The following SEC16A variants were observed in gnomAD, a reference collection of about 807,000 sequenced individuals.
SEC16A encodes the protein protein transport protein Sec16A.
SEC16A carries 110 observed loss-of-function variants against 221.9 expected under a neutral mutation model. The ratio of observed to expected loss-of-function variants is 0.50; its 90% CI spans 0.42 to 0.58. SEC16A has a LOEUF of 0.58. Among genes scored for constraint, SEC16A ranks in the 20% least tolerant of loss-of-function variants. The probability of loss-of-function intolerance (pLI) is 0.00; values close to 1 mark genes in which losing one functional copy is unlikely to be tolerated. For missense variants in SEC16A, 3,165 were observed against 3,097.8 expected (o/e 1.02, Z -0.52); for synonymous variants, 1,393 against 1,257.7 (o/e 1.11, Z -2.28).
At chr9:136,467,870 C>T (rs1840351928) in intron 5 of SEC16A, among the ~76,000 whole-genome samples, 3 of 152,174 alleles carry the variant, frequency 2.0e-5, no homozygotes, top group African/African-American at 7.2e-5. Flanking sequence ...AGGCTCTTCC[C>T]GGGGACATGG....
chr9:136,460,581 T>C (rs1357946317), intron 13 of SEC16A, among the ~76,000 whole-genome samples: 1 of 151,476 alleles, frequency 6.6e-6, no homozygotes, highest in East Asian at 1.9e-4. Flanking sequence ...ATTTTATTTT[T>C]CTTTCTTATC....
At position 136,447,649 on chromosome 9, in the gene SEC16A, A is replaced by G. The variant is rs1272526954; in HGVS notation, c.6479T>C (p.Met2160Thr). 2 of 1,612,802 alleles carry G rather than the reference A, an allele frequency of 1.2e-6. No homozygotes were observed. The change falls in exon 26 of 32, where the codon ATG (methionine) becomes ACG (threonine). Residue 2160 changes from methionine to threonine, a missense_variant. By Grantham distance (81) the Met-to-Thr change is moderately conservative. This residue lies in a region of SEC16A where 1,088 missense variants were observed against 1,089.6 expected (regional missense o/e 1.00). Transcript: ENST00000684901. The surrounding 1 kb of genome is among the most constrained non-coding windows in gnomAD (Gnocchi z 5.5). ...CGGGGCAGCTTGCACAGTCTTGGGC[A>G]TCGAGGTTGGAGGTGGGGGCGGGGC... ...KKAPPPPPTS[M>T]PKTVQAAPPA...
intron 3 of SEC16A, 34 bp from the exon 4 acceptor site, chr9:136,472,145 C>G (rs747100845): frequency 6.2e-7 from 1 of 1,610,682 alleles, no homozygotes. Context: ...GGATTAGACA[C>G]CAATCAAGAG....
intron 2 of SEC16A, among the ~76,000 whole-genome samples, 87 bp downstream of exon 2, chr9:136,478,622 G>A (rs1460165602): frequency 6.6e-6 from 1 of 152,044 alleles, no homozygotes; most frequent in African/African-American, 2.4e-5. Context: ...GACTGCCAGA[G>A]CCCAGGAGGT....
At chr9:136,480,873 C>A (rs992986246) in intron 1 of SEC16A, among the ~76,000 whole-genome samples, 1 of 147,414 alleles carries the variant, frequency 6.8e-6, no homozygotes, top group South Asian at 2.2e-4. Context: ...CTGGGCAGAG[C>A]GAGACTCCGT....
Position 136,476,786 on chromosome 9 carries a change from C to T in SEC16A, c.830G>A (p.Ser277Asn), listed in dbSNP as rs1402340697. 3.1e-6 allele frequency: 5 copies of T among 1,611,110 alleles called. No homozygotes were observed. The highest frequency in any genetic ancestry group is 1.6e-4 in the Middle Eastern group (1 of 6,066). ...PLVAPPAALP[S>N]DGRDEVSHLQ... ...GTGGCTCACCTCGTCTCTTCCGTCACTGGGCAAGGCTGCTGGGGGAGCCAC... is the reference window on the plus strand; with the variant it reads ...GTGGCTCACCTCGTCTCTTCCGTCATTGGGCAAGGCTGCTGGGGGAGCCAC... Residue 277 changes from serine (S) to asparagine (N), a missense_variant, in exon 3 of 32, where the codon AGT (serine) becomes AAT (asparagine). This residue lies in a region of SEC16A where 2,030 missense variants were observed against 1,923.1 expected (regional missense o/e 1.06). Coordinates refer to ENST00000684901, the MANE Select transcript of SEC16A (RefSeq NM_014866.2).
intron 30 of SEC16A, among the ~76,000 whole-genome samples, chr9:136,444,339 C>G (rs941146332): frequency 2.6e-5 from 4 of 152,214 alleles, no homozygotes; most frequent in African/African-American, 9.6e-5. Flanking sequence ...GTTCACCTCC[C>G]TCCCACATTG....
chr9:136,480,506 T>C (rs1312720497), intron 1 of SEC16A, among the ~76,000 whole-genome samples: 1 of 152,150 alleles, frequency 6.6e-6, no homozygotes, highest in Non-Finnish European at 1.5e-5. Context: ...AATGCGAGAA[T>C]CGATGTGATT....
intron 4 of SEC16A, among the ~76,000 whole-genome samples, chr9:136,470,386 G>A (rs1840701581): frequency 1.3e-5 from 2 of 152,230 alleles, no homozygotes; most frequent in African/African-American, 4.8e-5. Context: ...AGCAGCAGAA[G>A]GAAAACGGAA....
At chr9:136,472,906 G>A (rs1018508428) in intron 3 of SEC16A, among the ~76,000 whole-genome samples, 10 of 152,250 alleles carry the variant, frequency 6.6e-5, no homozygotes, top group African/African-American at 1.4e-4. Context: ...GAGGTGGCTC[G>A]CAGCAGGAGG....
upstream of SEC16A, chr9:136,483,676 C>G: frequency 4.1e-6 from 4 of 985,568 alleles, no homozygotes; most frequent in Non-Finnish European, 4.8e-6. Flanking sequence ...GTCTGCAGGA[C>G]CGATGCCAGC....
chr9:136,467,030 T>A lies in SEC16A; in HGVS notation c.3856A>T (p.Thr1286Ser), dbSNP rs1470933673. The A allele has an allele frequency of 6.2e-7, 1 of 1,613,900 alleles. No individual in the cohort carries two copies. Among genetic ancestry groups the A allele is most frequent in the Non-Finnish European group, 8.5e-7 (1 of 1,179,860 alleles). ...TCACACCAATACCTCCGGTCATAGG[T>A]GCGGGGGTCCCTGACTCTAGCACTG... ...HYSARVRDPR[T>S]YDRRYWCDAE... Residue 1286 changes from threonine to serine, a missense_variant, in exon 6 of 32, where the codon ACC becomes TCC. Transcript: ENST00000684901.
chr9:136,459,582 C>T lies in SEC16A; in HGVS notation c.5192-27G>A, dbSNP rs372939980. ...TGCGGAGAGACGACACGACACACGG[C>T]GGGGGCTCAGCGACCGGGAGCGCTT... On this transcript the variant is annotated intron_variant, in intron 15 of 31. Coordinates refer to ENST00000684901, the MANE Select transcript of SEC16A (RefSeq NM_014866.2). The surrounding 1 kb of genome is among the most constrained non-coding windows in gnomAD (Gnocchi z 6.1). The T allele has an allele frequency of 1.2e-4, 185 of 1,539,872 alleles. No individual in the cohort carries two copies. Among genetic ancestry groups the T allele is most frequent in the Middle Eastern group, 1.7e-4 (1 of 5,964 alleles).
In SEC16A at chr9:136,447,399, C is replaced by T. The variant is rs376953812; in HGVS notation, c.6560-35G>A. 1.4e-4 allele frequency: 220 copies of T among 1,587,620 alleles called. No individual in the cohort carries two copies. The highest frequency in any genetic ancestry group is 4.1e-4 in the East Asian group (18 of 43,702). ...GGAGGGAAGCAAATTGAGGTGAACG[C>T]GCCAGGTGGCCTCCAGCTTCCAAAT... On this transcript the variant is annotated intron_variant, in intron 26 of 31. Transcript: ENST00000684901. This position sits in a 1 kb window ranked among gnomAD's most constrained non-coding sequence, Gnocchi z 5.5.
At position 136,475,441 on chromosome 9, in the gene SEC16A, C is replaced by A. The variant is rs772051371; in HGVS notation, c.2175G>T (p.Leu725=). The A allele has an allele frequency of 3.1e-6, 5 of 1,610,592 alleles. No homozygotes were observed. The African/African-American group carries it at 6.7e-5, about 21-fold the overall frequency. Residue 725 remains leucine, a synonymous_variant, in exon 3 of 32, where the codon CTG becomes CTT. Transcript: ENST00000684901. This position sits in a 1 kb window ranked among gnomAD's most constrained non-coding sequence, Gnocchi z 5.0. ...AATCTGGCAGCTCACTTTGCGCCCA[C>A]AGAGTCGTTGCTGGGCTCTCACACT... ...PVKCESPATT[L]WAQSELPDFG...
In SEC16A at chr9:136,474,568, G is replaced by A; in HGVS notation, c.3048C>T (p.Ser1016=). Residue 1016 remains serine, a synonymous_variant, in exon 3 of 32, where the codon AGC becomes AGT. Transcript: ENST00000684901. ...TGGCAACACTTTGCTGAGAAGCGAG[G>A]CTGTCAGAATGGGACGGGTTGTACA... is the stretch of plus-strand genomic sequence containing the variant. ...VNVYNPSHSD[S]LASQQSVASH... The A allele has an allele frequency of 6.2e-7, 1 of 1,612,910 alleles. No individual in the cohort carries two copies. The highest frequency in any genetic ancestry group is 8.5e-7 in the Non-Finnish European group (1 of 1,179,846).
Position 136,474,458 on chromosome 9 carries a change from C to T in SEC16A, c.3158G>A (p.Gly1053Asp). 6.2e-7 allele frequency: 1 copy of T among 1,613,044 alleles called. No homozygotes were observed. The highest frequency in any genetic ancestry group is 8.5e-7 in the Non-Finnish European group (1 of 1,179,886). ...CAGCTCCTGCTGGGCTCTTTCGAGG[C>T]CAGGCTGGCCCTGGGCATCTTTCGT... The part of the protein sequence containing the change: ...QVTKDAQGQP[G>D]LERAQQELVP... Residue 1053 changes from glycine (G) to aspartate (D), a missense_variant, in exon 3 of 32, where the codon GGC (glycine) becomes GAC (aspartate). Coordinates refer to ENST00000684901, the MANE Select transcript of SEC16A (RefSeq NM_014866.2).
intron 2 of SEC16A, 43 bp from the exon 3 acceptor site, chr9:136,477,727 C>T (rs879542250): frequency 7.0e-7 from 1 of 1,427,618 alleles, no homozygotes; most frequent in Non-Finnish European, 9.2e-7. Flanking sequence ...TCCATATATT[C>T]AAAGTCCTAG....
Position 136,447,935 on chromosome 9 carries a change from G to A in SEC16A, c.6391-26C>T, listed in dbSNP as rs949414652. 6 of 1,593,716 alleles carry A rather than the reference G, an allele frequency of 3.8e-6. No homozygotes were observed. Among genetic ancestry groups the A allele is most frequent in the South Asian group, 3.4e-5 (3 of 88,564 alleles). On this transcript the variant is annotated intron_variant, in intron 24 of 31. Coordinates refer to ENST00000684901, the MANE Select transcript of SEC16A (RefSeq NM_014866.2). This position sits in a 1 kb window ranked among gnomAD's most constrained non-coding sequence, Gnocchi z 5.5. ...CTGCCAAGATTTTAAAAAGAAAAAA[G>A]GTCAGCAGACTGAACCTAAACAGAA...
Sources: gnomAD v4.1 joint callset for allele counts (sites outside exome capture counted in the v4.1 genomes callset) on GRCh38, gnomAD v4.1.1 for gene constraint, gnomAD v4.1.1 regional missense constraint, Gnocchi (gnomAD v3.1) non-coding constraint, MANE v1.5 for transcripts, NCBI Gene and HGNC (gene_info 2026-07-23, HGNC 2026-07-21) for gene names.